Variants in GGT7 observed in about 807,000 individuals in gnomAD.
The protein encoded by GGT7 is glutathione hydrolase 7.
GGT7 carries 30 observed loss-of-function variants against 69.2 expected under a neutral mutation model. That is an observed-to-expected ratio of 0.43 (90% CI 0.32 to 0.59). The LOEUF (loss-of-function observed/expected upper bound fraction) is 0.59. Among genes scored for constraint, GGT7 ranks in the 20% least tolerant of loss-of-function variants. The pLI, the probability that GGT7 is intolerant of heterozygous loss-of-function variation, is 0.05. For missense variants in GGT7, 733 were observed against 901.1 expected (o/e 0.81, Z 2.39); for synonymous variants, 388 against 391.8 (o/e 0.99, Z 0.12).
Position 34,861,462 on chromosome 20 carries a change from T to A in GGT7, c.658A>T (p.Arg220Ter). The change falls in exon 4 of 15, where the codon AGA becomes TGA. Residue 220 changes from arginine (R) to a stop codon, truncating the protein, a stop_gained. Coordinates refer to ENST00000336431, the MANE Select transcript of GGT7 (RefSeq NM_178026.3). LOFTEE classifies it high-confidence loss of function. The part of the protein sequence containing the change: ...PGALREETLQ[R>*]SWETKPGLLV... ...GTCCCCACCTTGGTCTCCCAGGATC[T>A]TTGCAGGGTCTCTTCCCTGAGGGCC... The A allele has an allele frequency of 6.4e-7, 1 of 1,557,922 alleles. No individual in the cohort carries two copies. Among genetic ancestry groups the A allele is most frequent in the Non-Finnish European group, 8.8e-7 (1 of 1,142,408 alleles).
intron 1 of GGT7, among the ~76,000 whole-genome samples, chr20:34,870,380 C>T (rs2079759192): frequency 6.6e-6 from 1 of 152,200 alleles, no homozygotes; most frequent in Admixed American, 6.5e-5. Flanking sequence ...TTCTTTCATC[C>T]TCTCTCCTAC....
At chr20:34,854,725 C>T in intron 9 of GGT7, 71 bp downstream of exon 9, 1 of 1,601,928 alleles carries the variant, frequency 6.2e-7, no homozygotes, top group Non-Finnish European at 8.5e-7. Context: ...TAGTCCTGCC[C>T]TATGGCAGTA....
chr20:34,862,844 A>G lies in GGT7; in HGVS notation c.527T>C (p.Ile176Thr), dbSNP rs2079621311. Residue 176 changes from isoleucine (I) to threonine (T), a missense_variant, in exon 3 of 15, where the codon ATC becomes ACC. Ile to Thr is a moderately conservative substitution (Grantham distance 89). Transcript: ENST00000336431. ...AAVAAALCLG[I>T]VAPHSSGLGG... ...CAGGCCAGAACTGTGTGGAGCCACG[A>G]TACCCAAACACAAGGCTGCTGCCAC... 6.2e-7 allele frequency: 1 copy of G among 1,614,028 alleles called. No individual in the cohort carries two copies.
At position 34,863,363 on chromosome 20, in the gene GGT7, T is replaced by C. The variant is rs901490850; in HGVS notation, c.355A>G (p.Thr119Ala). The change falls in exon 2 of 15, where the codon ACC (threonine) becomes GCC (alanine). Residue 119 changes from threonine (T) to alanine (A), a missense_variant. Coordinates refer to ENST00000336431, the MANE Select transcript of GGT7 (RefSeq NM_178026.3). This position sits in a 1 kb window ranked among gnomAD's most constrained non-coding sequence, Gnocchi z 4.4. ...ATGACCAGCGCCACGGTGACACCGG[T>C]AGCGAAGGTGAGACAGGCCGTGACG... ...VIVTACLTFA[T>A]GVTVALVMQI... 1 of 1,613,900 alleles carries C rather than the reference T, an allele frequency of 6.2e-7. No homozygotes were observed. Among genetic ancestry groups the C allele is most frequent in the Non-Finnish European group, 8.5e-7 (1 of 1,179,984 alleles).
chr20:34,848,071 T>C (rs1984588), intron 14 of GGT7, among the ~76,000 whole-genome samples: 101,395 of 152,100 alleles, frequency 0.67, 35,391 homozygotes, highest in African/African-American at 0.87. Flanking sequence ...CCAGCCTGGG[T>C]GACAGAGTGA....
chr20:34,865,547 A>G (rs565509501), intron 1 of GGT7, among the ~76,000 whole-genome samples: 21 of 152,238 alleles, frequency 1.4e-4, no homozygotes, highest in Non-Finnish European at 2.9e-4. Flanking sequence ...CTGGAGGACG[A>G]TAAGAGTGGA....
chr20:34,845,451 C>T lies in GGT7; in HGVS notation c.1866G>A (p.Arg622=), dbSNP rs201787951. Residue 622 remains arginine, a synonymous_variant, in exon 15 of 15, where the codon AGG becomes AGA. Coordinates refer to ENST00000336431, the MANE Select transcript of GGT7 (RefSeq NM_178026.3). ...TEEEIEFLEA[R]GHHVEKVDVL... Reference sequence around the variant, plus strand: ...CATCTACTTTCTCCACGTGGTGACCCCTGGCTTCCAGGAACTCAATCTCTT... The same window carrying T: ...CATCTACTTTCTCCACGTGGTGACCTCTGGCTTCCAGGAACTCAATCTCTT... 3.4e-5 allele frequency: 55 copies of T among 1,614,088 alleles called. No homozygotes were observed. In the East Asian group the frequency reaches 1.1e-3, roughly 33 times the overall value.
chr20:34,860,054 G>T lies in GGT7; in HGVS notation c.744-12C>A. The T allele has an allele frequency of 6.7e-7, 1 of 1,495,528 alleles. No homozygotes were observed. Among genetic ancestry groups the T allele is most frequent in the Non-Finnish European group, 9.1e-7 (1 of 1,092,984 alleles). 92.6% of individuals were successfully genotyped at this position (1,495,528 alleles called of 1,614,324 possible). ...GGGACCATGGCAGCCTGGGGGGGCC[G>T]GAGAGCAGGGGGTGGAGGAGGTCCT... On this transcript the variant is annotated splice_polypyrimidine_tract_variant and intron_variant, in intron 5 of 14. Transcript: ENST00000336431.
rs769687416 is a variant in GGT7 at position 34,851,366 on chromosome 20, C to T, written c.1590G>A (p.Glu530=). 4.3e-5 allele frequency: 69 copies of T among 1,611,378 alleles called. No homozygotes were observed. Among genetic ancestry groups the T allele is most frequent in the Non-Finnish European group, 5.5e-5 (65 of 1,178,742 alleles). Residue 530 remains glutamate (E), a splice_region_variant and synonymous_variant, in exon 13 of 15, where the codon GAG becomes GAA. Coordinates refer to ENST00000336431, the MANE Select transcript of GGT7 (RefSeq NM_178026.3). ...RTANHSAPSL[E]NSVQPGKRPL... ...GCCGCTTCCCTGGCTGCACTGAATT[C>T]TCCTGTTGTTAGAGGACAGAGACCA...
intron 10 of GGT7, among the ~76,000 whole-genome samples, chr20:34,853,724 C>T (rs1165543494): frequency 6.6e-6 from 1 of 152,152 alleles, no homozygotes; most frequent in Non-Finnish European, 1.5e-5. Context: ...TTAGTCCTTA[C>T]CACAACCTTA....
intron 10 of GGT7, among the ~76,000 whole-genome samples, chr20:34,853,158 C>T (rs766233904): frequency 9.2e-5 from 14 of 151,882 alleles, no homozygotes; most frequent in Non-Finnish European, 2.1e-4. Context: ...TTGGCCAGGC[C>T]GGTCTTGAAC....
Position 34,845,147 on chromosome 20 carries a change from A to ACCACCC in GGT7, c.*180_*181insGGGTGG. 2 of 306,374 alleles carry ACCACCC rather than the reference A, an allele frequency of 6.5e-6. No homozygotes were observed. The highest frequency in any genetic ancestry group is 1.2e-5 in the Non-Finnish European group (2 of 163,268). 19.0% of individuals were successfully genotyped at this position (306,374 alleles called of 1,614,324 possible). A position where few individuals can be genotyped will look rare whatever the true frequency, so the allele number is the denominator to read the frequency against. On this transcript the variant is annotated 3_prime_UTR_variant, in exon 15 of 15. Coordinates refer to ENST00000336431, the MANE Select transcript of GGT7 (RefSeq NM_178026.3). Reference sequence around the variant, plus strand: ...CACCACCACCACCACCACCACCACCACCACCACAGGCCTCCTGATGGAGAA... The same window carrying ACCACCC: ...CACCACCACCACCACCACCACCACCACCACCCCCACCACAGGCCTCCTGATGGAGAA...
Position 34,854,936 on chromosome 20 carries a change from G to T in GGT7, c.1103-13C>A. On this transcript the variant is annotated splice_polypyrimidine_tract_variant and intron_variant, in intron 8 of 14. Coordinates refer to ENST00000336431, the MANE Select transcript of GGT7 (RefSeq NM_178026.3). ...AGAACCAGGTGGCCTGAAAGGACAG[G>T]AAGTGACTGATGGCAGGGTAGGGGT... 6.2e-7 allele frequency: 1 copy of T among 1,612,866 alleles called. No homozygotes were observed. Among genetic ancestry groups the T allele is most frequent in the South Asian group, 1.1e-5 (1 of 90,918 alleles).
At position 34,872,802 on chromosome 20, in the gene GGT7, T is replaced by C; in HGVS notation, c.14A>G (p.Asn5Ser). Reference sequence around the variant, plus strand: ...CAGGGCGCTCTCCTGGCTGGCCTCGTTCTCCGCCGCCATCCTCGCCCGCGC... The same window carrying C: ...CAGGGCGCTCTCCTGGCTGGCCTCGCTCTCCGCCGCCATCCTCGCCCGCGC... MAAE[N>S]EASQESALGA... is the part of the protein sequence containing the mutation. Residue 5 changes from asparagine to serine, a missense_variant, in exon 1 of 15, where the codon AAC becomes AGC. By Grantham distance (46) the Asn-to-Ser change is conservative. Transcript: ENST00000336431. 1.5e-6 allele frequency: 2 copies of C among 1,358,328 alleles called. No individual in the cohort carries two copies. Among genetic ancestry groups the C allele is most frequent in the Non-Finnish European group, 1.9e-6 (2 of 1,048,850 alleles). The allele number at this position is 1,358,328 out of a possible 1,614,324, so 84.1% of individuals were successfully genotyped here.
chr20:34,860,866 G>A (rs6088625), intron 4 of GGT7, among the ~76,000 whole-genome samples: 1 of 152,050 alleles, frequency 6.6e-6, no homozygotes, highest in Non-Finnish European at 1.5e-5. Flanking sequence ...TGGCTTCCCA[G>A]AGTGTTGGGA....
At position 34,863,129 on chromosome 20, in the gene GGT7, C is replaced by G. The variant is rs2079626703; in HGVS notation, c.406-164G>C. Among the ~76,000 whole-genome samples, 1 of 152,096 alleles carries G rather than the reference C, an allele frequency of 6.6e-6. No individual in the cohort carries two copies. The highest frequency in any genetic ancestry group is 1.5e-5 in the Non-Finnish European group (1 of 67,992). On this transcript the variant is annotated intron_variant, in intron 2 of 14. Transcript: ENST00000336431. The surrounding 1 kb of genome is among the most constrained non-coding windows in gnomAD (Gnocchi z 4.4). The stretch of plus-strand genomic sequence containing the variant: ...CCAAGTGCCTCCTAATGGATCTGTC[C>G]TTATTCTTCCTTGTTCTGTCTCCCT...
chr20:34,871,174 A>C (rs2079772246), intron 1 of GGT7, among the ~76,000 whole-genome samples: 1 of 152,222 alleles, frequency 6.6e-6, no homozygotes, highest in African/African-American at 2.4e-5. Context: ...TGCACAAATA[A>C]ATAATCATAG....
At chr20:34,854,083 C>CCTA (rs1295959279) in intron 10 of GGT7, among the ~76,000 whole-genome samples, 1 of 152,108 alleles carries the variant, frequency 6.6e-6, no homozygotes, top group African/African-American at 2.4e-5. Context: ...ACTACAGGCA[C>CCTA]GCGCCACCAC....
In GGT7 at chr20:34,854,637, A is replaced by T; in HGVS notation, c.1231-18T>A. Reference sequence around the variant, plus strand: ...TTCAGGGTCTGAAAATACAGCAGGGATATGGAAGAGGCTGCCAGGCCCCTC... The same window carrying T: ...TTCAGGGTCTGAAAATACAGCAGGGTTATGGAAGAGGCTGCCAGGCCCCTC... On this transcript the variant is annotated intron_variant, in intron 9 of 14. Coordinates refer to ENST00000336431, the MANE Select transcript of GGT7 (RefSeq NM_178026.3). 6.3e-7 allele frequency: 1 copy of T among 1,597,474 alleles called. No individual in the cohort carries two copies. The highest frequency in any genetic ancestry group is 8.6e-7 in the Non-Finnish European group (1 of 1,165,050).
Sources: allele counts gnomAD v4.1 joint callset (sites outside exome capture counted in the v4.1 genomes callset), GRCh38; gene constraint gnomAD v4.1.1; non-coding constraint Gnocchi (gnomAD v3.1); transcripts MANE v1.5; gene names NCBI Gene and HGNC (gene_info 2026-07-23, HGNC 2026-07-21).